ARHGAP32: variants seen among roughly 807,000 people sequenced by gnomAD.
The protein encoded by ARHGAP32 is rho GTPase-activating protein 32.
Under a neutral mutation model 186.5 loss-of-function variants are expected in ARHGAP32, and 51 were observed. The observed-to-expected ratio is 0.27, with a 90% CI of 0.22 to 0.35. ARHGAP32 has a LOEUF of 0.35. Among genes scored for constraint, ARHGAP32 ranks in the 10% least tolerant of loss-of-function variants. The pLI, the probability that ARHGAP32 is intolerant of heterozygous loss-of-function variation, is 1.00. For missense variants in ARHGAP32, 2,186 were observed against 2,623.5 expected (o/e 0.83, Z 3.64); for synonymous variants, 950 against 964.3 (o/e 0.99, Z 0.27).
At chr11:129,073,521 C>A (rs1429692245) in intron 6 of ARHGAP32, among the ~76,000 whole-genome samples, 2 of 151,804 alleles carry the variant, frequency 1.3e-5, no homozygotes, top group Non-Finnish European at 2.9e-5. Context: ...ACAATAGAAA[C>A]AACCAAAACT....
chr11:129,167,111 A>T (rs1221117673), intron 1 of ARHGAP32, among the ~76,000 whole-genome samples: 1 of 152,178 alleles, frequency 6.6e-6, no homozygotes, highest in Non-Finnish European at 1.5e-5. Flanking sequence ...ATCTAAGAGA[A>T]GGCAGGAAAT....
At chr11:129,027,570 C>A (rs1938915429) in intron 11 of ARHGAP32, among the ~76,000 whole-genome samples, 1 of 152,162 alleles carries the variant, frequency 6.6e-6, no homozygotes, top group Non-Finnish European at 1.5e-5. Flanking sequence ...ACCTGCTGTT[C>A]CGTCTTTGGA....
intron 1 of ARHGAP32, among the ~76,000 whole-genome samples, chr11:129,225,711 C>T (rs573015598): frequency 6.6e-6 from 1 of 152,204 alleles, no homozygotes; most frequent in African/African-American, 2.4e-5. Context: ...AACAAAATTA[C>T]AAGACACGCC....
intron 1 of ARHGAP32, among the ~76,000 whole-genome samples, chr11:129,186,028 TA>T (rs748365167): frequency 6.6e-6 from 1 of 150,918 alleles, no homozygotes; most frequent in Non-Finnish European, 1.5e-5. Context: ...ATATTTAATT[TA>T]AAAAAAAAGA....
intron 1 of ARHGAP32, among the ~76,000 whole-genome samples, chr11:129,268,215 G>GA (rs1320531084): frequency 1.3e-5 from 2 of 152,054 alleles, no homozygotes; most frequent in Non-Finnish European, 2.9e-5. Flanking sequence ...ATTGAGCCTA[G>GA]AAAGAGAAAA....
intron 15 of ARHGAP32, among the ~76,000 whole-genome samples, chr11:128,984,551 G>A (rs1370520193): frequency 1.3e-5 from 2 of 152,028 alleles, no homozygotes; most frequent in Non-Finnish European, 2.9e-5. Context: ...TGGATAAAAA[G>A]TCTATATCAA....
At chr11:129,095,193 T>C (rs1941697130) in intron 5 of ARHGAP32, among the ~76,000 whole-genome samples, 1 of 152,110 alleles carries the variant, frequency 6.6e-6, no homozygotes, top group African/African-American at 2.4e-5. Context: ...GAAACCTACA[T>C]GAACTAGTTT....
chr11:129,001,175 T>C (rs1048573317), intron 11 of ARHGAP32, among the ~76,000 whole-genome samples: 18 of 152,228 alleles, frequency 1.2e-4, no homozygotes, highest in African/African-American at 4.1e-4. Context: ...TGTATAGTAG[T>C]TCTATTTTTA....
chr11:129,091,308 C>T (rs370832549), intron 6 of ARHGAP32, among the ~76,000 whole-genome samples: 1 of 152,146 alleles, frequency 6.6e-6, no homozygotes, highest in South Asian at 2.1e-4. Flanking sequence ...TGGGTGCTCC[C>T]TTAGGGGCTC....
At chr11:129,136,964 T>C (rs1001755531) in intron 2 of ARHGAP32, among the ~76,000 whole-genome samples, 8 of 151,990 alleles carry the variant, frequency 5.3e-5, no homozygotes, top group African/African-American at 1.9e-4. Context: ...AAGTATAAGG[T>C]TATTCTCTGC....
rs142916263 is a variant in ARHGAP32 at position 128,972,623 on chromosome 11, C to A, written c.3883G>T (p.Asp1295Tyr). 6.8e-5 allele frequency: 109 copies of A among 1,611,280 alleles called. No homozygotes were observed. In the African/African-American group the frequency reaches 1.3e-3, roughly 19 times the overall value. Reference protein sequence around the residue: ...AQMSTKEASWDVAEQPTTADF... With the variant: ...AQMSTKEASWYVAEQPTTADF... ...GCAGTGGTGGGTTGTTCAGCCACAT[C>A]CCAGCTGGCTTCCTTGGTGCTCATT... The change falls in exon 22 of 23, where the codon GAT (aspartate) becomes TAT (tyrosine). Residue 1295 changes from aspartate (D) to tyrosine (Y), a missense_variant. By Grantham distance (160) the Asp-to-Tyr change is radical. Coordinates refer to ENST00000682385, the MANE Select transcript of ARHGAP32 (RefSeq NM_001378024.1).
At chr11:129,214,270 T>C (rs1944617179) in intron 1 of ARHGAP32, among the ~76,000 whole-genome samples, 1 of 152,140 alleles carries the variant, frequency 6.6e-6, no homozygotes, top group African/African-American at 2.4e-5. Flanking sequence ...TTAACAATAA[T>C]ATATCCATAT....
chr11:129,127,719 A>G (rs1444887956), intron 2 of ARHGAP32, among the ~76,000 whole-genome samples: 2 of 152,122 alleles, frequency 1.3e-5, no homozygotes, highest in Non-Finnish European at 2.9e-5. Flanking sequence ...AAAGATTAAG[A>G]AAGTTCTTTT....
chr11:128,975,803 C>T (rs948439526), intron 20 of ARHGAP32, among the ~76,000 whole-genome samples: 18 of 152,090 alleles, frequency 1.2e-4, no homozygotes, highest in African/African-American at 4.1e-4. Flanking sequence ...GATCCCAGCA[C>T]TTTGGGAAGC....
chr11:129,076,203 C>G (rs1591592940), intron 6 of ARHGAP32, among the ~76,000 whole-genome samples: 3 of 152,304 alleles, frequency 2.0e-5, no homozygotes, highest in East Asian at 3.9e-4. Flanking sequence ...ACTACCCACC[C>G]TTTTTCCCTA....
At chr11:129,075,106 G>A (rs590559) in intron 6 of ARHGAP32, among the ~76,000 whole-genome samples, 117,337 of 152,096 alleles carry the variant, frequency 0.77, 46,092 homozygotes, top group African/African-American at 0.92. Flanking sequence ...AAATAGGAAC[G>A]AAGAACAAGG....
intron 11 of ARHGAP32, among the ~76,000 whole-genome samples, chr11:129,033,425 C>T (rs930554382): frequency 4.6e-5 from 7 of 152,074 alleles, no homozygotes; most frequent in African/African-American, 1.4e-4. Flanking sequence ...TATCATTATC[C>T]TTAAATTTTA....
intron 1 of ARHGAP32, among the ~76,000 whole-genome samples, chr11:129,244,682 T>G (rs900897473): frequency 4.6e-5 from 7 of 151,748 alleles, no homozygotes; most frequent in Middle Eastern, 3.4e-3. Context: ...GGGAGAAAAT[T>G]TTCGCAACCT....
At chr11:129,229,989 A>C (rs1254875338) in intron 1 of ARHGAP32, among the ~76,000 whole-genome samples, 1 of 151,928 alleles carries the variant, frequency 6.6e-6, no homozygotes, top group Non-Finnish European at 1.5e-5. Flanking sequence ...TAATTTTTGT[A>C]ATTTTTATAG....
Sources: gnomAD v4.1 joint callset for allele counts (sites outside exome capture counted in the v4.1 genomes callset) on GRCh38, gnomAD v4.1.1 for gene constraint, MANE v1.5 for transcripts, NCBI Gene and HGNC (gene_info 2026-07-23, HGNC 2026-07-21) for gene names.